Variants in PTPRB observed in about 807,000 individuals in gnomAD.
PTPRB encodes protein tyrosine phosphatase receptor type B.
PTPRB carries 97 observed loss-of-function variants against 238.1 expected under a neutral mutation model. The observed-to-expected ratio is 0.41, with a 90% CI of 0.35 to 0.48. The LOEUF (loss-of-function observed/expected upper bound fraction) is 0.48, where lower values mean the gene tolerates loss of function less well. PTPRB is among the 20% of genes least tolerant of loss of function. The pLI is 0.30. For missense variants in PTPRB, 2,292 were observed against 2,681.9 expected, an observed-to-expected ratio of 0.85 and a Z score of 3.21; for synonymous variants, 970 against 995.4, an observed-to-expected ratio of 0.97 and a Z score of 0.48.
intron 4 of PTPRB, among the ~76,000 whole-genome samples, chr12:70,603,396 G>T (rs984492721): frequency 1.3e-5 from 2 of 152,106 alleles, no homozygotes; most frequent in African/African-American, 4.8e-5. Flanking sequence ...ATATTTAAAA[G>T]ATTTTATAAG....
intron 11 of PTPRB, among the ~76,000 whole-genome samples, chr12:70,572,986 A>G (rs1565961846): frequency 6.6e-6 from 1 of 152,024 alleles, no homozygotes; most frequent in Non-Finnish European, 1.5e-5. Flanking sequence ...TATATACAGG[A>G]GACTGGATAA....
chr12:70,622,787 T>A, intron 2 of PTPRB, 141 bp from the exon 3 acceptor site: 1 of 988,700 alleles, frequency 1.0e-6, no homozygotes, highest in Non-Finnish European at 1.4e-6. Flanking sequence ...AAAGCAAATA[T>A]ACTTTGAGTG....
rs944190016 is a variant in PTPRB, at chr12:70,517,851, G to A, written c.*3638C>T. ...TCCAACCTCAAAGAATTCTTAGAAA[G>A]CTAAGTGAATGAGAATTTAGTATAT... On this transcript the variant is annotated 3_prime_UTR_variant, in exon 34 of 34. Transcript: ENST00000334414. The A allele has an allele frequency of 6.6e-6, 1 of 152,182 alleles. No individual in the cohort carries two copies. Among genetic ancestry groups the A allele is most frequent in the African/African-American group, 2.4e-5 (1 of 41,444 alleles). The allele number at this position is 152,182 out of a possible 1,614,324, so 9.4% of individuals were successfully genotyped here.
chr12:70,516,081 C>A lies in PTPRB; in HGVS notation c.*5408G>T, dbSNP rs570455182. On this transcript the variant is annotated 3_prime_UTR_variant, in exon 34 of 34. Transcript: ENST00000334414. ...ATGAAAAAATAGAATCATCTGCCAT[C>A]TTAACTGGATTTTCAGAGAAATAAT... 6.6e-6 allele frequency: 1 copy of A among 152,162 alleles called. No individual in the cohort carries two copies. The highest frequency in any genetic ancestry group is 2.4e-5 in the African/African-American group (1 of 41,510). The allele number at this position is 152,162 out of a possible 1,614,324, so 9.4% of individuals were successfully genotyped here.
chr12:70,536,070 G>C lies in PTPRB; in HGVS notation c.6036C>G (p.Asn2012Lys), dbSNP rs1043390922. 8.7e-6 allele frequency: 14 copies of C among 1,613,722 alleles called. No homozygotes were observed. In the Admixed American group the frequency reaches 1.8e-4, roughly 21 times the overall value. The change falls in exon 29 of 34, where the codon AAC (asparagine) becomes AAG (lysine). Residue 2012 changes from asparagine to lysine, a missense_variant. Asn to Lys is a moderately conservative substitution (Grantham distance 94, BLOSUM62 0). This residue lies in a region of PTPRB where 397 missense variants were observed against 502.0 expected (regional missense o/e 0.79). Coordinates refer to ENST00000334414, the MANE Select transcript of PTPRB (RefSeq NM_001109754.4). ...GGGTCACCATGACGATGTTGTGAAC[G>C]TTTTGTTCCCACACCATTTTCCAGA... Reference protein sequence around the residue: ...DDFWKMVWEQNVHNIVMVTQC... With the variant: ...DDFWKMVWEQKVHNIVMVTQC...
At chr12:70,612,170 A>T (rs1884484573) in intron 3 of PTPRB, among the ~76,000 whole-genome samples, 1 of 152,222 alleles carries the variant, frequency 6.6e-6, no homozygotes, top group South Asian at 2.1e-4. Flanking sequence ...GCAGAACCTT[A>T]AGGCTGACAG....
chr12:70,534,447 C>T (rs12228450), intron 31 of PTPRB, 41 bp downstream of exon 31: 4 of 1,598,972 alleles, frequency 2.5e-6, no homozygotes, highest in Non-Finnish European at 3.4e-6. Flanking sequence ...GCACAACCCC[C>T]TTATGGCTGC....
At chr12:70,563,327 C>T (rs1878757640) in intron 15 of PTPRB, among the ~76,000 whole-genome samples, 2 of 152,218 alleles carry the variant, frequency 1.3e-5, no homozygotes, top group Admixed American at 1.3e-4. Context: ...AGGTCAAGTG[C>T]TGCTAGCAAC....
chr12:70,528,483 G>A (rs1872713508), intron 32 of PTPRB, among the ~76,000 whole-genome samples: 2 of 149,238 alleles, frequency 1.3e-5, no homozygotes, highest in Admixed American at 6.7e-5. Flanking sequence ...GCTAATGAGA[G>A]TTGATCAAGG....
At chr12:70,531,331 T>G (rs1296373686) in intron 32 of PTPRB, among the ~76,000 whole-genome samples, 1 of 152,136 alleles carries the variant, frequency 6.6e-6, no homozygotes, top group Non-Finnish European at 1.5e-5. Context: ...ACAGAGGATT[T>G]TGCTTAGTTA....
chr12:70,576,684 A>AGGGGGGGGGGGGGGGGG (rs1313001377), intron 10 of PTPRB, 39 bp from the exon 11 acceptor site: 1 of 29,862 alleles, frequency 3.3e-5, no homozygotes, highest in African/African-American at 1.8e-4. Context: ...GGGGGGGGGA[A>AGGGGGGGGGGGGGGGGG]GGGGGATTCA....
At chr12:70,617,047 C>T (rs562794529) in intron 3 of PTPRB, among the ~76,000 whole-genome samples, 13 of 152,238 alleles carry the variant, frequency 8.5e-5, no homozygotes, top group Admixed American at 6.5e-4. Context: ...AAGAAAGTCC[C>T]GTATAAATGG....
At chr12:70,611,447 C>A (rs779740103) in intron 3 of PTPRB, among the ~76,000 whole-genome samples, 1 of 152,018 alleles carries the variant, frequency 6.6e-6, no homozygotes, top group Non-Finnish European at 1.5e-5. Context: ...TGCCACTACA[C>A]CCAGCTAATT....
At chr12:70,556,708 G>T (rs1165952001) in intron 18 of PTPRB, among the ~76,000 whole-genome samples, 26 of 152,154 alleles carry the variant, frequency 1.7e-4, no homozygotes, top group Admixed American at 1.6e-3. Context: ...CTATGGCTAG[G>T]CATATCGTTT....
intron 33 of PTPRB, among the ~76,000 whole-genome samples, chr12:70,522,823 TATAAC>T (rs1871800702): frequency 6.6e-6 from 1 of 151,918 alleles, no homozygotes; most frequent in African/African-American, 2.4e-5. Context: ...ATTTAGCTAT[TATAAC>T]ATCCTCAAAA....
rs1325232822 is a variant in PTPRB at position 70,521,429 on chromosome 12, G to GT, written c.*59dup. ...GGCACCTCTGTAGGGCATGAAGCAAGTTTTTAAAAACAAATCACACAGTGA... is the reference window on the plus strand; with the variant it reads ...GGCACCTCTGTAGGGCATGAAGCAAGTTTTTTAAAAACAAATCACACAGTGA... On this transcript the variant is annotated 3_prime_UTR_variant, in exon 34 of 34. Transcript: ENST00000334414. 1 of 1,448,236 alleles carries GT rather than the reference G, an allele frequency of 6.9e-7. No individual in the cohort carries two copies. The highest frequency in any genetic ancestry group is 9.3e-7 in the Non-Finnish European group (1 of 1,078,936). 89.7% of individuals were successfully genotyped at this position (1,448,236 alleles called of 1,614,324 possible).
intron 11 of PTPRB, among the ~76,000 whole-genome samples, chr12:70,574,854 T>G (rs1421352155): frequency 6.6e-6 from 1 of 152,174 alleles, no homozygotes; most frequent in Admixed American, 6.5e-5. Flanking sequence ...AAGAATCACT[T>G]TCTTGCATTT....
chr12:70,531,994 G>A (rs182615276), intron 32 of PTPRB, 41 bp downstream of exon 32: 52 of 1,612,238 alleles, frequency 3.2e-5, no homozygotes, highest in Non-Finnish European at 4.2e-5. Flanking sequence ...GAATACAGTG[G>A]GGAGGAGGGT....
rs1555230172 is a variant in PTPRB at position 70,576,662 on chromosome 12, T to TCG, written c.2579-18_2579-17insCG. On this transcript the variant is annotated splice_polypyrimidine_tract_variant and intron_variant, in intron 10 of 33. Transcript: ENST00000334414. ...TGGAAGGGACTGTGATTTTGAAAGG[T>TCG]GGGGGGCGGGGGGGGGGGGGAAGGG... 85 of 15,292 alleles carry TCG rather than the reference T, an allele frequency of 5.6e-3. 1 individual carries two copies. The highest frequency in any genetic ancestry group is 0.033 in the Middle Eastern group (1 of 30). The allele number at this position is 15,292 out of a possible 1,614,324, so 0.9% of individuals were successfully genotyped here.
Sources: allele counts gnomAD v4.1 joint callset (sites outside exome capture counted in the v4.1 genomes callset), GRCh38; gene constraint gnomAD v4.1.1; regional missense constraint gnomAD v4.1.1; transcripts MANE v1.5; gene names NCBI Gene and HGNC (gene_info 2026-07-23, HGNC 2026-07-21).